Variants in TADA3 observed in about 807,000 individuals in gnomAD.
TADA3 encodes transcriptional adaptor 3.
TADA3 carries 25 observed loss-of-function variants against 43.2 expected under a neutral mutation model. That is an observed-to-expected ratio of 0.58 (90% CI 0.42 to 0.81). TADA3 has a LOEUF of 0.81. Ranked by LOEUF, TADA3 falls within the 30% of genes least tolerant of loss-of-function variation. The pLI, the probability that TADA3 is intolerant of heterozygous loss-of-function variation, is 0.00. For missense variants in TADA3, 441 were observed against 567.8 expected, an observed-to-expected ratio of 0.78 and a Z score of 2.27; for synonymous variants, 235 against 225.5, an observed-to-expected ratio of 1.04 and a Z score of -0.38.
At position 9,780,323 on chromosome 3, in the gene TADA3, A is replaced by C. The variant is rs1192092306; in HGVS notation, c.*34T>G. On this transcript the variant is annotated 3_prime_UTR_variant, in exon 9 of 9. Transcript: ENST00000301964. Reference sequence around the variant, plus strand: ...AAGTGGGCCTCCCTTCCCCTCCCCTAGGCCAGATAATCAGCCTGAGGCAGG... The same window carrying C: ...AAGTGGGCCTCCCTTCCCCTCCCCTCGGCCAGATAATCAGCCTGAGGCAGG... 3.8e-6 allele frequency: 6 copies of C among 1,588,380 alleles called. No homozygotes were observed. The South Asian group carries it at 6.7e-5, about 18-fold the overall frequency.
At chr3:9,792,147 AAAG>A (rs538277666) in intron 1 of TADA3, 66 bp downstream of exon 1, 1 of 152,534 alleles carries the variant, frequency 6.6e-6, no homozygotes, top group South Asian at 2.1e-4. Flanking sequence ...AATGGGGACA[AAAG>A]AAGTCTCGGT....
At chr3:9,781,671 A>C (rs1014013986) in intron 8 of TADA3, 1 of 435,284 alleles carries the variant, frequency 2.3e-6, no homozygotes, top group African/African-American at 2.0e-5. Flanking sequence ...GTGGAGCTGG[A>C]AGGTCACTTA....
At chr3:9,788,859 G>A (rs1479065902) in intron 4 of TADA3, among the ~76,000 whole-genome samples, 4 of 147,294 alleles carry the variant, frequency 2.7e-5, no homozygotes, top group African/African-American at 5.0e-5. Context: ...TTTTGGAGAC[G>A]GAGTCTTGCT....
intron 8 of TADA3, chr3:9,781,566 C>T (rs1278841898): frequency 2.2e-6 from 1 of 456,528 alleles, no homozygotes; most frequent in African/African-American, 2.0e-5. Context: ...ATTCCAGAGC[C>T]CCCTAAGGTC....
Position 9,787,196 on chromosome 3 carries a change from T to A in TADA3, c.706+3A>T. ...GGGGTTGGCAGGGAGGTGAGAGGCC[T>A]ACCTTTAGTGTCCAGTTCGGTCAGT... On this transcript the variant is annotated splice_donor_region_variant and intron_variant, in intron 5 of 8. Transcript: ENST00000301964. 6.2e-7 allele frequency: 1 copy of A among 1,614,186 alleles called. No homozygotes were observed. The highest frequency in any genetic ancestry group is 8.5e-7 in the Non-Finnish European group (1 of 1,180,026).
At chr3:9,783,304 TAAG>T (rs993908754) in intron 8 of TADA3, 1 of 151,834 alleles carries the variant, frequency 6.6e-6, no homozygotes, top group African/African-American at 2.4e-5. Context: ...TAAAAATGGT[TAAG>T]AAGCGTAAAT....
Position 9,792,281 on chromosome 3 carries a change from A to G in TADA3, c.-93T>C, listed in dbSNP as rs1367428007. 1 of 157,454 alleles carries G rather than the reference A, an allele frequency of 6.4e-6. No individual in the cohort carries two copies. The highest frequency in any genetic ancestry group is 1.9e-4 in the East Asian group (1 of 5,318). 9.8% of individuals were successfully genotyped at this position (157,454 alleles called of 1,614,324 possible). On this transcript the variant is annotated 5_prime_UTR_variant, in exon 1 of 9. Transcript: ENST00000301964. ...AAGAGCCCAGTTCAGTGTCTGGCAC[A>G]GAAGTGGGACTGTTTAATGGCTGGC...
chr3:9,792,733 G>T, upstream of TADA3: 1 of 1,240,260 alleles, frequency 8.1e-7, no homozygotes, highest in Non-Finnish European at 1.0e-6. Context: ...AAGGATGGGG[G>T]TACAGAACCG....
Position 9,792,411 on chromosome 3 carries a change from G to C in TADA3, c.-223C>G, listed in dbSNP as rs536248381. On this transcript the variant is annotated 5_prime_UTR_variant, in exon 1 of 9. Transcript: ENST00000301964. Reference sequence around the variant, plus strand: ...CTACCTCCTCGCTGCGGCCTCCTACGGCCCCAGGGGCCGCGGGAGGGGGCG... The same window carrying C: ...CTACCTCCTCGCTGCGGCCTCCTACCGCCCCAGGGGCCGCGGGAGGGGGCG... The C allele has an allele frequency of 1.0e-6, 1 of 972,436 alleles. No individual in the cohort carries two copies. The highest frequency in any genetic ancestry group is 1.7e-5 in the African/African-American group (1 of 58,532). The allele number at this position is 972,436 out of a possible 1,614,324, so 60.2% of individuals were successfully genotyped here.
Position 9,779,998 on chromosome 3 carries a change from T to C in TADA3, c.*359A>G, listed in dbSNP as rs1373982065. The C allele has an allele frequency of 5.4e-6, 1 of 183,708 alleles. No homozygotes were observed. The highest frequency in any genetic ancestry group is 1.1e-5 in the Non-Finnish European group (1 of 89,098). 11.4% of individuals were successfully genotyped at this position (183,708 alleles called of 1,614,324 possible). A position where few individuals can be genotyped will look rare whatever the true frequency, so the allele number is the denominator to read the frequency against. On this transcript the variant is annotated 3_prime_UTR_variant, in exon 9 of 9. Coordinates refer to ENST00000301964, the MANE Select transcript of TADA3 (RefSeq NM_006354.5). The stretch of plus-strand genomic sequence containing the variant: ...TGAAAAACCACAGCAGTCACTTTAT[T>C]CTTAAGTTTGCACTTTACAAAACCA...
chr3:9,792,962 AG>A (rs1252631333), upstream of TADA3: 1 of 1,412,374 alleles, frequency 7.1e-7, no homozygotes, highest in Non-Finnish European at 9.2e-7. Flanking sequence ...AACTTCCGGA[AG>A]GCCCAAGCGT....
rs775855983 is a variant in TADA3, at chr3:9,789,627, G to T, written c.459-13C>A. On this transcript the variant is annotated splice_polypyrimidine_tract_variant and intron_variant, in intron 3 of 8. Coordinates refer to ENST00000301964, the MANE Select transcript of TADA3 (RefSeq NM_006354.5). ...TGAAGCCCAGAACCTGCAGGGAGAA[G>T]CAGATCCTGAGTGGGCGCCCCTGCC... 1 of 1,613,454 alleles carries T rather than the reference G, an allele frequency of 6.2e-7. No individual in the cohort carries two copies. Among genetic ancestry groups the T allele is most frequent in the Non-Finnish European group, 8.5e-7 (1 of 1,179,720 alleles).
At position 9,787,033 on chromosome 3, in the gene TADA3, C is replaced by T. The variant is rs148171213; in HGVS notation, c.783G>A (p.Thr261=). The T allele has an allele frequency of 1.4e-4, 220 of 1,614,194 alleles. No individual in the cohort carries two copies. Among genetic ancestry groups the T allele is most frequent in the Non-Finnish European group, 1.5e-4 (178 of 1,180,034 alleles). Residue 261 remains threonine, a synonymous_variant, in exon 6 of 9, where the codon ACG becomes ACA. Coordinates refer to ENST00000301964, the MANE Select transcript of TADA3 (RefSeq NM_006354.5). The stretch of plus-strand genomic sequence containing the variant: ...CCACCAGGGCCTGCAGGAGGCGCTG[C>T]GTCAGGGCACCAAAGGGGCATCCAT... ...PEDGCPFGAL[T]QRLLQALVEE...
intron 6 of TADA3, among the ~76,000 whole-genome samples, chr3:9,786,449 A>T (rs1241605395): frequency 6.6e-6 from 1 of 152,212 alleles, no homozygotes; most frequent in Non-Finnish European, 1.5e-5. Flanking sequence ...CTGAGTCTCA[A>T]TGAGGTGAAA....
intron 3 of TADA3, 47 bp downstream of exon 3, chr3:9,789,666 C>T (rs199831561): frequency 5.5e-5 from 88 of 1,610,146 alleles, no homozygotes; most frequent in Non-Finnish European, 7.2e-5. Flanking sequence ...CCAGTGCCTC[C>T]ACCACCAGAA....
chr3:9,785,018 G>A (rs2078573743), intron 7 of TADA3, among the ~76,000 whole-genome samples: 1 of 152,008 alleles, frequency 6.6e-6, no homozygotes, highest in Non-Finnish European at 1.5e-5. Flanking sequence ...TATACTTGCA[G>A]CTATATGATT....
intron 8 of TADA3, among the ~76,000 whole-genome samples, chr3:9,780,750 C>T (rs950280595): frequency 6.6e-6 from 1 of 152,198 alleles, no homozygotes; most frequent in African/African-American, 2.4e-5. Flanking sequence ...TCATGTTGAT[C>T]ACGGGGGAGG....
In TADA3 at chr3:9,792,350, T is replaced by C. The variant is rs889092588; in HGVS notation, c.-162A>G. 3 of 351,514 alleles carry C rather than the reference T, an allele frequency of 8.5e-6. No homozygotes were observed. The highest frequency in any genetic ancestry group is 1.2e-5 in the Non-Finnish European group (3 of 245,940). 21.8% of individuals were successfully genotyped at this position (351,514 alleles called of 1,614,324 possible). On this transcript the variant is annotated 5_prime_UTR_variant, in exon 1 of 9. Transcript: ENST00000301964. ...AAATGTCCCGCCTTCAGAGTCCTCG[T>C]TCTCTAGGGACACCCTAGTGCGACC... is the stretch of plus-strand genomic sequence containing the variant.
intron 2 of TADA3, among the ~76,000 whole-genome samples, chr3:9,790,567 T>C (rs1252489998): frequency 6.6e-6 from 1 of 152,160 alleles, no homozygotes; most frequent in Non-Finnish European, 1.5e-5. Flanking sequence ...CTTAACCATC[T>C]CTATTTTGCA....
Sources: gnomAD v4.1 joint callset for allele counts (sites outside exome capture counted in the v4.1 genomes callset) on GRCh38, gnomAD v4.1.1 for gene constraint, MANE v1.5 for transcripts, NCBI Gene and HGNC (gene_info 2026-07-23, HGNC 2026-07-21) for gene names.